The following CD163 variants were observed in gnomAD, a reference collection of about 807,000 sequenced individuals.
CD163 encodes scavenger receptor cysteine-rich type 1 protein M130.
In CD163, 64 loss-of-function variants were observed where a neutral mutation model predicts 129.2. That is an observed-to-expected ratio of 0.50 (90% confidence interval 0.41 to 0.61). The LOEUF is 0.61. Among genes scored for constraint, CD163 ranks in the 20% least tolerant of loss-of-function variants. CD163 has a pLI of 0.00. For missense variants in CD163, 1,061 were observed against 1,377.9 expected (o/e 0.77, Z 3.64); for synonymous variants, 446 against 478.5 (o/e 0.93, Z 0.89).
chr12:7,480,021 G>C, intron 15 of CD163, 108 bp from the exon 16 acceptor site: 2 of 1,599,152 alleles, frequency 1.3e-6, no homozygotes, highest in South Asian at 1.1e-5. Context: ...ATAATTACTG[G>C]GAAATAAACC....
At chr12:7,488,852 C>T (rs747544444) in intron 6 of CD163, among the ~76,000 whole-genome samples, 5 of 151,296 alleles carry the variant, frequency 3.3e-5, no homozygotes, top group Middle Eastern at 3.4e-3. Flanking sequence ...TAATGATATA[C>T]AGGCCAAATT....
At chr12:7,500,408 C>T (rs1314470705) in intron 3 of CD163, among the ~76,000 whole-genome samples, 5 of 90,012 alleles carry the variant, frequency 5.6e-5, no homozygotes, top group Non-Finnish European at 8.3e-5. Flanking sequence ...GGGACAAGAG[C>T]GACAATTCGT....
In CD163 at chr12:7,501,445, G is replaced by A. The variant is rs1949488805; in HGVS notation, c.151C>T (p.Leu51=). 6.2e-7 allele frequency: 1 copy of A among 1,613,476 alleles called. No individual in the cohort carries two copies. The highest frequency in any genetic ancestry group is 1.7e-5 in the Admixed American group (1 of 59,998). ...TTGTTTTCACCATCCACTAGCCTCA[G>A]CTCCTTGTCTGTTCCTCCTGCAACA... The part of the protein sequence containing the change: ...TSSLGGTDKE[L]RLVDGENKCS... Residue 51 remains leucine (L), a synonymous_variant, in exon 3 of 17, where the codon CTG becomes TTG. Coordinates refer to ENST00000432237, the MANE Select transcript of CD163 (RefSeq NM_203416.4).
intron 14 of CD163, among the ~76,000 whole-genome samples, chr12:7,482,196 A>G (rs2136696597): frequency 6.6e-6 from 1 of 152,362 alleles, no homozygotes; most frequent in South Asian, 2.1e-4. Flanking sequence ...GAGATTGATT[A>G]TAGTAAGAGA....
rs1339513539 is a variant in CD163 at position 7,499,198 on chromosome 12, AG to A, written c.458-11del. On this transcript the variant is annotated splice_polypyrimidine_tract_variant and intron_variant, in intron 3 of 16. Coordinates refer to ENST00000432237, the MANE Select transcript of CD163 (RefSeq NM_203416.4). ...TCCAAATTGGATCCATCTGGAGCAG[AG>A]AAAAGACCAGAGTTCAGAAGTTACA... is the stretch of plus-strand genomic sequence containing the variant. 1.9e-6 allele frequency: 3 copies of A among 1,596,080 alleles called. No individual in the cohort carries two copies. The highest frequency in any genetic ancestry group is 2.6e-6 in the Non-Finnish European group (3 of 1,171,494).
chr12:7,491,134 A>AAAAC (rs138236495), intron 6 of CD163, among the ~76,000 whole-genome samples: 1 of 151,988 alleles, frequency 6.6e-6, no homozygotes, highest in Non-Finnish European at 1.5e-5. Context: ...AAACCAGTGA[A>AAAAC]AAACAAACAA....
intron 16 of CD163, among the ~76,000 whole-genome samples, chr12:7,477,545 A>C (rs1949104085): frequency 6.6e-6 from 1 of 152,086 alleles, no homozygotes; most frequent in Non-Finnish European, 1.5e-5. Flanking sequence ...ATGAGAACAC[A>C]TGGACACAGG....
chr12:7,492,722 A>G (rs183375449), intron 6 of CD163, among the ~76,000 whole-genome samples: 102 of 152,240 alleles, frequency 6.7e-4, no homozygotes, highest in African/African-American at 2.3e-3. Flanking sequence ...ATAAGGGGGT[A>G]TGGTCTGCCT....
chr12:7,501,570 C>G, intron 2 of CD163, 108 bp from the exon 3 acceptor site: 1 of 764,648 alleles, frequency 1.3e-6, no homozygotes, highest in Admixed American at 2.3e-5. Flanking sequence ...TGAGAACCAT[C>G]CTAGTCCTAT....
At position 7,498,959 on chromosome 12, in the gene CD163, G is replaced by A. The variant is rs373210091; in HGVS notation, c.687C>T (p.Asn229=). 9.3e-6 allele frequency: 15 copies of A among 1,613,918 alleles called. No homozygotes were observed. Among genetic ancestry groups the A allele is most frequent in the African/African-American group, 2.7e-5 (2 of 74,902 alleles). The change falls in exon 4 of 17, where the codon AAC becomes AAT. Residue 229 remains asparagine, a synonymous_variant. Coordinates refer to ENST00000432237, the MANE Select transcript of CD163 (RefSeq NM_203416.4). ...GPIWFDDLIC[N]GNESALWNCK... ...AGTTCCAGAGAGCTGACTCATTTCC[G>A]TTGCATATAAGATCATCAAACCAGA...
intron 2 of CD163, among the ~76,000 whole-genome samples, chr12:7,502,267 C>G (rs1949501338): frequency 6.6e-6 from 1 of 152,166 alleles, no homozygotes; most frequent in South Asian, 2.1e-4. Context: ...ATTCATTTCT[C>G]TCCTGTGAGT....
chr12:7,478,570 AC>A (rs1216784552), intron 16 of CD163, among the ~76,000 whole-genome samples: 1 of 152,076 alleles, frequency 6.6e-6, no homozygotes, highest in East Asian at 1.9e-4. Context: ...ACATATATTA[AC>A]CCTTTTGTGC....
intron 15 of CD163, 34 bp downstream of exon 15, chr12:7,481,127 C>T: frequency 6.2e-7 from 1 of 1,609,406 alleles, no homozygotes; most frequent in African/African-American, 1.3e-5. Flanking sequence ...TGATCTGAAC[C>T]CCTGGGCAAT....
chr12:7,501,940 G>A, intron 2 of CD163, among the ~76,000 whole-genome samples: 1 of 152,070 alleles, frequency 6.6e-6, no homozygotes, highest in East Asian at 1.9e-4. Context: ...TCTTAAAAAC[G>A]CTAGACTGAA....
At chr12:7,474,497 T>G (rs1949056829) in intron 16 of CD163, among the ~76,000 whole-genome samples, 1 of 152,042 alleles carries the variant, frequency 6.6e-6, no homozygotes, top group Non-Finnish European at 1.5e-5. Flanking sequence ...AACAAAATTA[T>G]GGCAGAAATA....
intron 2 of CD163, among the ~76,000 whole-genome samples, chr12:7,501,688 A>C (rs1206988509): frequency 1.3e-5 from 2 of 152,224 alleles, no homozygotes; most frequent in African/African-American, 4.8e-5. Context: ...TAAGTAACAC[A>C]ATAGTGTTTA....
chr12:7,490,303 A>G (rs12302881), intron 6 of CD163, among the ~76,000 whole-genome samples: 22,208 of 151,880 alleles, frequency 0.15, 1,679 homozygotes, highest in African/African-American at 0.18. Flanking sequence ...GAAGAATTAT[A>G]AGTAACTTAC....
At chr12:7,489,961 T>G (rs1949306165) in intron 6 of CD163, among the ~76,000 whole-genome samples, 1 of 152,042 alleles carries the variant, frequency 6.6e-6, no homozygotes, top group African/African-American at 2.4e-5. Context: ...GTAGAAACTT[T>G]TCTCTCTACT....
At chr12:7,492,567 A>C (rs1035448652) in intron 6 of CD163, among the ~76,000 whole-genome samples, 2 of 152,158 alleles carry the variant, frequency 1.3e-5, no homozygotes, top group Non-Finnish European at 2.9e-5. Flanking sequence ...TTTATTGGGC[A>C]AAGTACAAGA....
Sources: gnomAD v4.1 joint callset for allele counts (sites outside exome capture counted in the v4.1 genomes callset) on GRCh38, gnomAD v4.1.1 for gene constraint, MANE v1.5 for transcripts, NCBI Gene and HGNC (gene_info 2026-07-23, HGNC 2026-07-21) for gene names.